AVEN: variants seen among roughly 807,000 people sequenced by gnomAD.
The protein encoded by AVEN is cell death regulator Aven.
In AVEN, 41 loss-of-function variants were observed where a neutral mutation model predicts 38.1. The ratio of observed to expected loss-of-function variants is 1.08; its 90% confidence interval spans 0.84 to 1.40. The LOEUF (loss-of-function observed/expected upper bound fraction) is 1.40, where lower values mean the gene tolerates loss of function less well. Among genes scored for constraint, AVEN ranks in the 40% most tolerant of loss-of-function variants. AVEN has a pLI of 0.00. For synonymous variants in AVEN, 206 were observed against 171.8 expected (o/e 1.20, Z -1.56); for missense variants, 605 against 438.8 (o/e 1.38, Z -3.38).
intron 2 of AVEN, among the ~76,000 whole-genome samples, chr15:33,942,242 T>A (rs1894343514): frequency 6.6e-6 from 1 of 152,186 alleles, no homozygotes; most frequent in Non-Finnish European, 1.5e-5. Context: ...AATTTTAAGA[T>A]CACATTTTTT....
At chr15:34,031,237 C>T (rs969762430) in intron 1 of AVEN, among the ~76,000 whole-genome samples, 1 of 124,978 alleles carries the variant, frequency 8.0e-6, no homozygotes, top group African/African-American at 3.0e-5. Flanking sequence ...TGCAATGGCG[C>T]GATCTCAGCT....
intron 2 of AVEN, among the ~76,000 whole-genome samples, chr15:33,888,684 T>C (rs1242721838): frequency 1.4e-5 from 2 of 142,488 alleles, no homozygotes; most frequent in Non-Finnish European, 3.2e-5. Flanking sequence ...ATATTTAATA[T>C]TTATTTATAT....
At chr15:33,983,163 TGTGTGTGTATATATACACAC>T (rs1445321482) in intron 2 of AVEN, among the ~76,000 whole-genome samples, 6 of 122,568 alleles carry the variant, frequency 4.9e-5, no homozygotes, top group African/African-American at 8.2e-5. Context: ...TGTGTGTATG[TGTGTGTGTATATATACACAC>T]GTGTGTGTAT....
chr15:33,934,927 G>C (rs963292107), intron 2 of AVEN, among the ~76,000 whole-genome samples: 3 of 152,152 alleles, frequency 2.0e-5, no homozygotes, highest in East Asian at 1.9e-4. Context: ...AACGATGTAA[G>C]TAAAGGAGAT....
At chr15:33,999,789 C>T (rs893711137) in intron 2 of AVEN, among the ~76,000 whole-genome samples, 1 of 152,148 alleles carries the variant, frequency 6.6e-6, no homozygotes, top group Non-Finnish European at 1.5e-5. Context: ...AACTAGTCTA[C>T]CCGCTCCCCT....
chr15:33,905,511 G>A (rs561985561), intron 2 of AVEN, among the ~76,000 whole-genome samples: 2 of 152,274 alleles, frequency 1.3e-5, no homozygotes, highest in South Asian at 4.1e-4. Flanking sequence ...ATCTTCTCCA[G>A]GGATTATTTT....
At chr15:33,916,116 A>C (rs565082831) in intron 2 of AVEN, among the ~76,000 whole-genome samples, 1 of 152,230 alleles carries the variant, frequency 6.6e-6, no homozygotes, top group African/African-American at 2.4e-5. Flanking sequence ...CAAAGGACAT[A>C]ATCTCCTGGG....
intron 2 of AVEN, chr15:33,991,639 G>A (rs944652924): frequency 1.3e-5 from 2 of 152,214 alleles, no homozygotes; most frequent in East Asian, 1.9e-4. Context: ...AAATCATGGG[G>A]AAATAAAATG....
At chr15:33,853,576 C>G in the AVEN span, 2 of 1,613,828 alleles carry the variant, frequency 1.2e-6, 1 homozygote, top group South Asian at 2.2e-5. Context: ...GTATGGAGAT[C>G]TCTACGGAGC....
intron 1 of AVEN, among the ~76,000 whole-genome samples, chr15:34,037,229 T>C (rs1424763166): frequency 5.3e-5 from 8 of 152,140 alleles, no homozygotes; most frequent in African/African-American, 1.9e-4. Context: ...TAAAGTCCTG[T>C]GCGCCAGACA....
intron 5 of AVEN, 45 bp downstream of exon 5, chr15:33,867,450 A>AAACACCAGAATCAAGATTC (rs1235596807): frequency 6.5e-7 from 1 of 1,534,264 alleles, no homozygotes; most frequent in East Asian, 2.3e-5. Context: ...GTTCTTGAAA[A>AAACACCAGAATCAAGATTC]AACACCAGAA....
intron 3 of AVEN, among the ~76,000 whole-genome samples, chr15:33,872,288 A>C (rs548247126): frequency 6.6e-6 from 1 of 152,080 alleles, no homozygotes; most frequent in African/African-American, 2.4e-5. Context: ...GCCAGGAATC[A>C]TAAGACTCTG....
At chr15:34,062,859 A>C in intron 5 of AVEN, 1 of 1,614,208 alleles carries the variant, frequency 6.2e-7, no homozygotes. Flanking sequence ...CATTGTGGGC[A>C]ATGTCTTGGT....
intron 2 of AVEN, among the ~76,000 whole-genome samples, chr15:33,957,808 AAATCAG>A (rs1259325048): frequency 6.6e-6 from 1 of 152,042 alleles, no homozygotes; most frequent in East Asian, 1.9e-4. Context: ...ACAGTGCTAG[AAATCAG>A]AACTGTGATT....
intron 2 of AVEN, among the ~76,000 whole-genome samples, chr15:33,902,541 T>C (rs1218664348): frequency 1.3e-5 from 2 of 152,184 alleles, no homozygotes; most frequent in African/African-American, 4.8e-5. Flanking sequence ...GGGATGCCCA[T>C]TTCTATTCAA....
At chr15:33,895,538 G>C (rs1328034065) in intron 2 of AVEN, among the ~76,000 whole-genome samples, 3 of 151,898 alleles carry the variant, frequency 2.0e-5, no homozygotes, top group African/African-American at 7.3e-5. Flanking sequence ...GTTGCCCAGA[G>C]TGGTCTCGAA....
chr15:33,870,544 T>C (rs182245197), intron 4 of AVEN, among the ~76,000 whole-genome samples: 44 of 152,344 alleles, frequency 2.9e-4, no homozygotes, highest in Non-Finnish European at 1.0e-4. Flanking sequence ...TATATGTTTG[T>C]GTGACTATTT....
At chr15:34,017,478 TTTTTTG>T (rs1429897385) in intron 1 of AVEN, among the ~76,000 whole-genome samples, 2 of 47,244 alleles carry the variant, frequency 4.2e-5, no homozygotes, top group Admixed American at 3.9e-4. Context: ...GTATGATTTT[TTTTTTG>T]TTTTTTTTTT....
chr15:33,864,874 C>T (rs778156868), downstream of AVEN: 4 of 440,224 alleles, frequency 9.1e-6, no homozygotes, highest in African/African-American at 3.9e-5. Flanking sequence ...TAGTGGCAAA[C>T]ATTGATTGGT....
Sources: gnomAD v4.1 joint callset for allele counts (sites outside exome capture counted in the v4.1 genomes callset) on GRCh38, gnomAD v4.1.1 for gene constraint, MANE v1.5 for transcripts, NCBI Gene and HGNC (gene_info 2026-07-23, HGNC 2026-07-21) for gene names.